PDCD6IP: variants seen among roughly 807,000 people sequenced by gnomAD.
The protein encoded by PDCD6IP is programmed cell death 6 interacting protein.
Under a neutral mutation model 103.7 loss-of-function variants are expected in PDCD6IP, and 43 were observed. The observed-to-expected ratio is 0.41, with a 90% CI of 0.32 to 0.53. PDCD6IP has a LOEUF of 0.53. Ranked by LOEUF, PDCD6IP falls within the 20% of genes least tolerant of loss-of-function variation. The pLI, the probability that PDCD6IP is intolerant of heterozygous loss-of-function variation, is 0.16. For synonymous variants in PDCD6IP, 354 were observed against 378.7 expected (o/e 0.93, Z 0.76); for missense variants, 871 against 1,036.7 (o/e 0.84, Z 2.20).
chr3:33,866,118 G>C (rs1484937218), intron 17 of PDCD6IP, among the ~76,000 whole-genome samples: 1 of 151,656 alleles, frequency 6.6e-6, no homozygotes, highest in African/African-American at 2.4e-5. Flanking sequence ...ATTTTCTTCA[G>C]TATTTATTTT....
intron 12 of PDCD6IP, among the ~76,000 whole-genome samples, chr3:33,846,919 C>T (rs2125569415): frequency 1.3e-5 from 2 of 152,264 alleles, no homozygotes; most frequent in South Asian, 4.1e-4. Flanking sequence ...TGCACAGGTA[C>T]TGGGCACCTC....
chr3:33,864,115 C>T lies in PDCD6IP; in HGVS notation c.2230C>T (p.Pro744Ser), dbSNP rs772291522. The change falls in exon 16 of 18, where the codon CCA becomes TCA. Residue 744 changes from proline (P) to serine (S), a missense_variant. This residue lies in a region of PDCD6IP where 202 missense variants were observed against 205.2 expected (regional missense o/e 0.98). Coordinates refer to ENST00000307296, the MANE Select transcript of PDCD6IP (RefSeq NM_013374.6). ...GHAPTPPTPA[P>S]RTMPPTKPQP... Reference sequence around the variant, plus strand: ...TGCACCAACTCCTCCAACTCCAGCGCCAAGAACCATGCCGGTTAGTAGGCA... The same window carrying T: ...TGCACCAACTCCTCCAACTCCAGCGTCAAGAACCATGCCGGTTAGTAGGCA... 1.3e-6 allele frequency: 2 copies of T among 1,592,290 alleles called. No individual in the cohort carries two copies. The highest frequency in any genetic ancestry group is 2.2e-5 in the South Asian group (2 of 90,504).
chr3:33,838,836 G>A (rs373586980), intron 9 of PDCD6IP, among the ~76,000 whole-genome samples: 1 of 151,484 alleles, frequency 6.6e-6, no homozygotes, highest in East Asian at 1.9e-4. Context: ...GGGTCTTATT[G>A]TCACCAGGCT....
intron 12 of PDCD6IP, among the ~76,000 whole-genome samples, chr3:33,851,050 C>T (rs2125572180): frequency 6.6e-6 from 1 of 152,196 alleles, no homozygotes; most frequent in East Asian, 1.9e-4. Context: ...CCTCGAGTCT[C>T]TGGTCTTCAC....
intron 15 of PDCD6IP, chr3:33,855,475 G>T: frequency 2.4e-6 from 1 of 408,628 alleles, no homozygotes; most frequent in Non-Finnish European, 4.5e-6. Context: ...GATGCAGGAA[G>T]TACAGTGAGG....
At chr3:33,825,371 G>GA in intron 5 of PDCD6IP, 31 bp downstream of exon 5, 1 of 1,539,302 alleles carries the variant, frequency 6.5e-7, no homozygotes, top group Non-Finnish European at 8.8e-7. Flanking sequence ...TGTTGCATGT[G>GA]AAAAAAAGTG....
At position 33,868,035 on chromosome 3, in the gene PDCD6IP, A is replaced by G. The variant is rs1698104989; in HGVS notation, c.*1510A>G. 6.6e-6 allele frequency: 1 copy of G among 152,220 alleles called. No homozygotes were observed. The allele number at this position is 152,220 out of a possible 1,614,324, so 9.4% of individuals were successfully genotyped here. A position where few individuals can be genotyped will look rare whatever the true frequency, so the allele number is the denominator to read the frequency against. ...GGAAACATGAAGGCATGTTAATTCA[A>G]TATAAATGACCTTTGATTTCATGGA... On this transcript the variant is annotated 3_prime_UTR_variant, in exon 18 of 18. Coordinates refer to ENST00000307296, the MANE Select transcript of PDCD6IP (RefSeq NM_013374.6).
chr3:33,819,071 TTG>T (rs1231268218), intron 3 of PDCD6IP, among the ~76,000 whole-genome samples: 1 of 152,114 alleles, frequency 6.6e-6, no homozygotes, highest in Non-Finnish European at 1.5e-5. Flanking sequence ...GATAATTTTC[TTG>T]TCTCTTTTGT....
intron 4 of PDCD6IP, 113 bp downstream of exon 4, chr3:33,822,195 C>T (rs1274219956): frequency 1.6e-5 from 17 of 1,047,680 alleles, no homozygotes; most frequent in South Asian, 7.7e-5. Context: ...TTTTCTAAAA[C>T]GAATGCACTT....
intron 1 of PDCD6IP, among the ~76,000 whole-genome samples, chr3:33,806,545 A>G (rs959826688): frequency 4.6e-5 from 7 of 152,208 alleles, no homozygotes; most frequent in African/African-American, 1.7e-4. Flanking sequence ...TTTTTGCACC[A>G]TTATTTTCCA....
chr3:33,861,471 C>T (rs183388245), intron 15 of PDCD6IP, among the ~76,000 whole-genome samples: 1 of 152,224 alleles, frequency 6.6e-6, no homozygotes, highest in East Asian at 1.9e-4. Context: ...CAACACATCT[C>T]AATTCAGAGT....
In PDCD6IP at chr3:33,865,351, G is replaced by C. The variant is rs781655458; in HGVS notation, c.2353G>C (p.Ala785Pro). Residue 785 changes from alanine to proline, a missense_variant, in exon 17 of 18, where the codon GCT (alanine) becomes CCT (proline). Ala to Pro is a conservative substitution (Grantham distance 27). Transcript: ENST00000307296. The part of the protein sequence containing the change: ...SPVGAGTAAP[A>P]PSQTPGSAPP... ...AGTGGGGGCTGGGACTGCTGCGCCA[G>C]CTCCATCACAAACGCCTGGCTCAGC... The C allele has an allele frequency of 6.2e-7, 1 of 1,601,532 alleles. No homozygotes were observed. Among genetic ancestry groups the C allele is most frequent in the African/African-American group, 1.4e-5 (1 of 73,838 alleles).
At chr3:33,824,680 A>G (rs1464525478) in intron 4 of PDCD6IP, among the ~76,000 whole-genome samples, 1 of 152,212 alleles carries the variant, frequency 6.6e-6, no homozygotes, top group African/African-American at 2.4e-5. Context: ...TCTGATGGGG[A>G]ACATTTCACT....
At chr3:33,860,098 A>G (rs1697919458) in intron 15 of PDCD6IP, among the ~76,000 whole-genome samples, 1 of 152,216 alleles carries the variant, frequency 6.6e-6, no homozygotes, top group South Asian at 2.1e-4. Context: ...AAAATAACAA[A>G]TATAGAAATT....
chr3:33,852,662 C>G lies in PDCD6IP; in HGVS notation c.1816C>G (p.Arg606Gly). Residue 606 changes from arginine to glycine, a missense_variant, in exon 13 of 18, where the codon CGA (arginine) becomes GGA (glycine). This residue lies in a region of PDCD6IP where 266 missense variants were observed against 390.5 expected (regional missense o/e 0.68). Transcript: ENST00000307296. ...EEALSVTELD[R>G]VYGGLTTKVQ... ...AGCTCTTTCTGTTACTGAACTAGAT[C>G]GAGTCTATGGAGGTCTTACAACTAA... 1 of 1,597,984 alleles carries G rather than the reference C, an allele frequency of 6.3e-7. No individual in the cohort carries two copies. The highest frequency in any genetic ancestry group is 8.5e-7 in the Non-Finnish European group (1 of 1,175,984).
chr3:33,828,110 T>C (rs917335512), intron 6 of PDCD6IP, among the ~76,000 whole-genome samples: 1 of 152,196 alleles, frequency 6.6e-6, no homozygotes, highest in Non-Finnish European at 1.5e-5. Flanking sequence ...ACCACTAGTA[T>C]AATTGCTTTC....
At chr3:33,831,837 A>ATG (rs148350977) in intron 7 of PDCD6IP, among the ~76,000 whole-genome samples, 1,872 of 152,210 alleles carry the variant, frequency 0.012, 34 homozygotes, top group African/African-American at 0.042. Context: ...ATTAATATAT[A>ATG]CAGTGTTGTG....
intron 15 of PDCD6IP, among the ~76,000 whole-genome samples, chr3:33,863,645 A>G (rs1177510029): frequency 6.6e-6 from 1 of 152,220 alleles, no homozygotes; most frequent in Non-Finnish European, 1.5e-5. Context: ...TATATACTAC[A>G]CTATATCCAT....
intron 7 of PDCD6IP, among the ~76,000 whole-genome samples, chr3:33,831,728 CT>C (rs1697249022): frequency 6.6e-6 from 1 of 150,678 alleles, no homozygotes. Flanking sequence ...TGTTTTTTTT[CT>C]TTCTTTGAAA....
Sources: allele counts gnomAD v4.1 joint callset (sites outside exome capture counted in the v4.1 genomes callset), GRCh38; gene constraint gnomAD v4.1.1; regional missense constraint gnomAD v4.1.1; transcripts MANE v1.5; gene names NCBI Gene and HGNC (gene_info 2026-07-23, HGNC 2026-07-21).